PCDHGB3: variants seen among roughly 807,000 people sequenced by gnomAD.
PCDHGB3 encodes the protein protocadherin gamma subfamily B, 3, also known as protocadherin gamma-B3.
In PCDHGB3, 40 loss-of-function variants were observed where a neutral mutation model predicts 59.2. That is an observed-to-expected ratio of 0.68 (90% CI 0.52 to 0.88). The LOEUF is 0.88. Among genes scored for constraint, PCDHGB3 ranks in the 40% least tolerant of loss-of-function variants. PCDHGB3 has a pLI of 0.00. For synonymous variants in PCDHGB3, 581 were observed against 503.6 expected (o/e 1.15, Z -2.06); for missense variants, 1,309 against 1,187.9 (o/e 1.10, Z -1.50).
intron 1 of PCDHGB3, chr5:141,414,552 C>G: frequency 6.2e-7 from 1 of 1,613,984 alleles, no homozygotes; most frequent in Non-Finnish European, 8.5e-7. Context: ...TCTCTCAAGT[C>G]TCCTACTTTA....
chr5:141,481,913 CAAAAAAAA>C (rs34114744), intron 1 of PCDHGB3, among the ~76,000 whole-genome samples: 1 of 90,852 alleles, frequency 1.1e-5, no homozygotes, highest in African/African-American at 4.2e-5. Flanking sequence ...AACTCCATCT[CAAAAAAAA>C]AAAAAAAAAA....
chr5:141,388,170 T>A (rs756859307), intron 1 of PCDHGB3: 1 of 1,495,754 alleles, frequency 6.7e-7, no homozygotes, highest in East Asian at 2.3e-5. Context: ...GGAGGAGATA[T>A]GCGGGAAGAA....
intron 2 of PCDHGB3, among the ~76,000 whole-genome samples, chr5:141,504,008 C>G (rs2099835164): frequency 6.6e-6 from 1 of 152,208 alleles, no homozygotes; most frequent in South Asian, 2.1e-4. Flanking sequence ...ACTTAACTGT[C>G]TCTGCTGGTC....
intron 1 of PCDHGB3, chr5:141,409,193 TGTAAA>T (rs2095239502): frequency 1.2e-6 from 2 of 1,613,988 alleles, no homozygotes; most frequent in African/African-American, 1.3e-5. Context: ...CTCTACCCAG[TGTAAA>T]GTAATCATAG....
At chr5:141,494,937 G>A (rs759078748) in intron 2 of PCDHGB3, 72 bp downstream of exon 2, 130 of 1,612,276 alleles carry the variant, frequency 8.1e-5, no homozygotes, top group Non-Finnish European at 1.1e-4. Context: ...GAGGAGATGG[G>A]GGAGGGCCCA....
In PCDHGB3 at chr5:141,487,715, C is replaced by T. The variant is rs1209272301; in HGVS notation, c.2416-7092C>T. 2.5e-6 allele frequency: 4 copies of T among 1,582,708 alleles called. No individual in the cohort carries two copies. The highest frequency in any genetic ancestry group is 1.8e-5 in the Admixed American group (1 of 54,696). The stretch of plus-strand genomic sequence containing the variant: ...GAGTACTGGCCTCTCAGTAAGTGCC[C>T]ATAGTGATGTCACCATTTTTGTAAG... On this transcript the variant is annotated intron_variant, in intron 1 of 3. Transcript: ENST00000576222. This position sits in a 1 kb window ranked among gnomAD's most constrained non-coding sequence, Gnocchi z 5.0.
In PCDHGB3 at chr5:141,388,120, C is replaced by G. The variant is rs945677635; in HGVS notation, c.2415+15311C>G. The G allele has an allele frequency of 2.8e-6, 4 of 1,422,500 alleles. No homozygotes were observed. The African/African-American group carries it at 5.8e-5, about 20-fold the overall frequency. 88.1% of individuals were successfully genotyped at this position (1,422,500 alleles called of 1,614,324 possible). On this transcript the variant is annotated intron_variant, in intron 1 of 3. Coordinates refer to ENST00000576222, the MANE Select transcript of PCDHGB3 (RefSeq NM_018924.5). ...GAGAAGCCTTACTTCACCGTGAGCG[C>G]AGAGAGCGGGGAGTTGCTTGTGAGC...
At chr5:141,394,545 G>A in intron 1 of PCDHGB3, 1 of 1,614,164 alleles carries the variant, frequency 6.2e-7, no homozygotes, top group South Asian at 1.1e-5. Flanking sequence ...CGTGGAGCTG[G>A]CGCCCCGCTC....
chr5:141,395,254 G>T, intron 1 of PCDHGB3: 1 of 1,556,766 alleles, frequency 6.4e-7, no homozygotes, highest in Non-Finnish European at 8.7e-7. Context: ...TTAGTTCTTT[G>T]CTTGCTTTTA....
intron 1 of PCDHGB3, chr5:141,383,971 G>A (rs373869441): frequency 2.5e-6 from 4 of 1,613,544 alleles, no homozygotes; most frequent in African/African-American, 1.3e-5. Context: ...CTCAATCCCT[G>A]AAGACACACC....
rs1225473275 is a variant in PCDHGB3 at position 141,512,442 on chromosome 5, TC to T, written c.*1271del. ...GGCCCCTGCCCTCCTGAAGCCTCAG[TC>T]CTTCACCTTGCCAGGTGCCGTTTCT... is the stretch of plus-strand genomic sequence containing the variant. On this transcript the variant is annotated 3_prime_UTR_variant, in exon 4 of 4. Transcript: ENST00000576222. 1 of 152,892 alleles carries T rather than the reference TC, an allele frequency of 6.5e-6. No individual in the cohort carries two copies. Among genetic ancestry groups the T allele is most frequent in the African/African-American group, 2.4e-5 (1 of 41,466 alleles). 9.5% of individuals were successfully genotyped at this position (152,892 alleles called of 1,614,324 possible).
chr5:141,424,408 T>G (rs942542788), intron 1 of PCDHGB3: 1 of 152,224 alleles, frequency 6.6e-6, no homozygotes, highest in Non-Finnish European at 1.5e-5. Flanking sequence ...TATGGTGAAG[T>G]TACATTGACT....
At chr5:141,484,120 C>A (rs1158603108) in intron 1 of PCDHGB3, among the ~76,000 whole-genome samples, 1 of 152,146 alleles carries the variant, frequency 6.6e-6, no homozygotes, top group African/African-American at 2.4e-5. Flanking sequence ...ATCAAGAATA[C>A]CTTGGTGTCA....
At chr5:141,442,947 C>T (rs185574624) in intron 1 of PCDHGB3, among the ~76,000 whole-genome samples, 92 of 152,282 alleles carry the variant, frequency 6.0e-4, no homozygotes, top group African/African-American at 1.7e-3. Flanking sequence ...AACTTCCTCT[C>T]ACTGCAAAAA....
rs776349562 is a variant in PCDHGB3 at position 141,491,131 on chromosome 5, G to T, written c.2416-3676G>T. The T allele has an allele frequency of 6.2e-7, 1 of 1,614,182 alleles. No individual in the cohort carries two copies. Among genetic ancestry groups the T allele is most frequent in the Non-Finnish European group, 8.5e-7 (1 of 1,180,008 alleles). On this transcript the variant is annotated intron_variant, in intron 1 of 3. Coordinates refer to ENST00000576222, the MANE Select transcript of PCDHGB3 (RefSeq NM_018924.5). This position sits in a 1 kb window ranked among gnomAD's most constrained non-coding sequence, Gnocchi z 6.9. ...TACACACACTGGTGAGGTGCGCACA[G>T]CCCGGGCCTTACTGGAGGATGACTC...
At chr5:141,430,484 C>T (rs894612928) in intron 1 of PCDHGB3, 2 of 256,238 alleles carry the variant, frequency 7.8e-6, no homozygotes, top group African/African-American at 4.4e-5. Context: ...GATATAAAAA[C>T]GAAATATCCT....
At chr5:141,405,226 C>T (rs756970325) in intron 1 of PCDHGB3, 6 of 1,613,934 alleles carry the variant, frequency 3.7e-6, no homozygotes, top group Admixed American at 3.3e-5. Context: ...AGGAGTTCTC[C>T]CTCACCGCTG....
intron 1 of PCDHGB3, 134 bp from the exon 2 acceptor site, chr5:141,494,673 C>G: frequency 4.5e-6 from 7 of 1,542,992 alleles, no homozygotes; most frequent in Non-Finnish European, 6.1e-6. Flanking sequence ...GATGAGTCCA[C>G]CCCTGCCCCC....
intron 1 of PCDHGB3, among the ~76,000 whole-genome samples, chr5:141,446,323 A>G (rs1372501599): frequency 6.6e-6 from 1 of 152,216 alleles, no homozygotes. Flanking sequence ...GGGTTTCCAC[A>G]TTAAGGAACT....
Sources: allele counts gnomAD v4.1 joint callset (sites outside exome capture counted in the v4.1 genomes callset), GRCh38; gene constraint gnomAD v4.1.1; non-coding constraint Gnocchi (gnomAD v3.1); transcripts MANE v1.5; gene names NCBI Gene and HGNC (gene_info 2026-07-23, HGNC 2026-07-21).